The following EDAR variants were observed in gnomAD, a reference collection of about 807,000 sequenced individuals.
EDAR encodes the protein ectodysplasin A receptor, also known as tumor necrosis factor receptor superfamily member EDAR.
A neutral mutation model predicts 51.3 loss-of-function variants in EDAR; 38 were observed. The observed-to-expected ratio is 0.74, with a 90% confidence interval of 0.57 to 0.97. EDAR has a LOEUF of 0.97. Among genes scored for constraint, EDAR ranks in the 50% least tolerant of loss-of-function variants. The pLI, the probability that EDAR is intolerant of heterozygous loss-of-function variation, is 0.00. For missense variants in EDAR, 528 were observed against 595.0 expected (o/e 0.89, Z 1.17); for synonymous variants, 227 against 242.1 (o/e 0.94, Z 0.58).
At chr2:108,932,355 C>T (rs1574387881) in intron 1 of EDAR, among the ~76,000 whole-genome samples, 1 of 151,500 alleles carries the variant, frequency 6.6e-6, no homozygotes, top group African/African-American at 2.4e-5. Flanking sequence ...GGTGAAACCT[C>T]GTCTCTACTA....
At chr2:108,923,705 C>T (rs1440369542) in intron 4 of EDAR, among the ~76,000 whole-genome samples, 1 of 152,222 alleles carries the variant, frequency 6.6e-6, no homozygotes, top group African/African-American at 2.4e-5. Flanking sequence ...CTTTCTGGTT[C>T]CTCTCTCTGG....
Position 108,897,100 on chromosome 2 carries a change from C to T in EDAR, c.1154G>A (p.Arg385Lys), listed in dbSNP as rs1158140942. ...RHLAESFGLK[R>K]DEIGGMTDGM... Reference sequence around the variant, plus strand: ...GTCTGTCATGCCCCCAATCTCATCCCTCTTCAGGCCGAAGCTCTCGGCGAG... The same window carrying T: ...GTCTGTCATGCCCCCAATCTCATCCTTCTTCAGGCCGAAGCTCTCGGCGAG... The change falls in exon 12 of 12, where the codon AGG becomes AAG. Residue 385 changes from arginine to lysine, a missense_variant. Transcript: ENST00000258443. The T allele has an allele frequency of 3.1e-6, 5 of 1,614,162 alleles. No individual in the cohort carries two copies. The highest frequency in any genetic ancestry group is 3.3e-5 in the Admixed American group (2 of 60,026).
intron 4 of EDAR, among the ~76,000 whole-genome samples, chr2:108,928,253 G>T (rs982484812): frequency 1.3e-5 from 2 of 152,104 alleles, no homozygotes; most frequent in African/African-American, 4.8e-5. Flanking sequence ...ATCTCCACTT[G>T]CAGGCCTCTG....
chr2:108,943,643 A>C (rs1697652798), intron 1 of EDAR, among the ~76,000 whole-genome samples: 1 of 151,842 alleles, frequency 6.6e-6, no homozygotes, highest in African/African-American at 2.4e-5. Context: ...CAGAGCGAAG[A>C]CTCCGCGTAT....
At chr2:108,955,986 G>A (rs1254115382) in intron 1 of EDAR, among the ~76,000 whole-genome samples, 7 of 152,032 alleles carry the variant, frequency 4.6e-5, no homozygotes. Flanking sequence ...CCGAGATGGT[G>A]CCACTGTACT....
chr2:108,916,264 G>C (rs1418442854), intron 5 of EDAR, among the ~76,000 whole-genome samples: 1 of 152,174 alleles, frequency 6.6e-6, no homozygotes, highest in Non-Finnish European at 1.5e-5. Context: ...AACAGCCGTG[G>C]GCTGTCTGTG....
intron 6 of EDAR, 102 bp downstream of exon 6, chr2:108,912,576 G>T: frequency 8.8e-7 from 1 of 1,139,396 alleles, no homozygotes; most frequent in Non-Finnish European, 1.3e-6. Context: ...AGGTGGGGAA[G>T]CGCACCATAA....
chr2:108,920,367 G>A (rs952118558), intron 5 of EDAR, among the ~76,000 whole-genome samples: 13 of 152,132 alleles, frequency 8.5e-5, no homozygotes, highest in Admixed American at 6.5e-5. Context: ...TCTCTGTTAC[G>A]GCAGGGCAAC....
chr2:108,986,335 T>C (rs998739727), intron 1 of EDAR, among the ~76,000 whole-genome samples: 2 of 152,262 alleles, frequency 1.3e-5, no homozygotes, highest in Admixed American at 1.3e-4. Flanking sequence ...GGACAGGAGA[T>C]GAGTGTGTCT....
chr2:108,963,643 C>T (rs1373479621), intron 1 of EDAR, among the ~76,000 whole-genome samples: 1 of 152,110 alleles, frequency 6.6e-6, no homozygotes, highest in Non-Finnish European at 1.5e-5. Context: ...TTATAAAACT[C>T]CATGATCTGC....
chr2:108,983,951 T>C (rs1201551324), intron 1 of EDAR, among the ~76,000 whole-genome samples: 1 of 152,204 alleles, frequency 6.6e-6, no homozygotes, highest in Non-Finnish European at 1.5e-5. Context: ...GGCCAGTGGC[T>C]CTGCGACTGT....
chr2:108,946,039 C>T (rs260714), intron 1 of EDAR, among the ~76,000 whole-genome samples: 53,237 of 152,172 alleles, frequency 0.35, 15,187 homozygotes, highest in East Asian at 0.95. Flanking sequence ...ACTGGCAGCA[C>T]TAGTCCTCAG....
intron 1 of EDAR, among the ~76,000 whole-genome samples, chr2:108,962,630 G>A (rs1037204348): frequency 7.6e-4 from 105 of 137,510 alleles, no homozygotes; most frequent in Non-Finnish European, 1.4e-4. Context: ...AGCCGAGATC[G>A]CTCCACTGCC....
intron 1 of EDAR, among the ~76,000 whole-genome samples, chr2:108,959,275 G>C (rs1464281767): frequency 6.6e-6 from 1 of 152,224 alleles, no homozygotes; most frequent in East Asian, 1.9e-4. Context: ...AAGCCCTGTG[G>C]TCTGCGATCT....
rs988568700 is a variant in EDAR, at chr2:108,930,897, G to C, written c.51+67C>G. The stretch of plus-strand genomic sequence containing the variant: ...GCATTCCCATTTTACAGCTGAAGAG[G>C]CCAAGAAACAGTCCAACCATCATGA... On this transcript the variant is annotated intron_variant, in intron 2 of 11. Coordinates refer to ENST00000258443, the MANE Select transcript of EDAR (RefSeq NM_022336.4). 4 of 1,551,808 alleles carry C rather than the reference G, an allele frequency of 2.6e-6. No homozygotes were observed. In the African/African-American group the frequency reaches 4.1e-5, roughly 16 times the overall value.
intron 1 of EDAR, among the ~76,000 whole-genome samples, chr2:108,971,862 G>A (rs1485854312): frequency 6.6e-6 from 1 of 152,226 alleles, no homozygotes; most frequent in Non-Finnish European, 1.5e-5. Context: ...AAGGGCAGAA[G>A]AGACGGTGCA....
chr2:108,983,379 A>G (rs1698446974), intron 1 of EDAR, among the ~76,000 whole-genome samples: 1 of 152,204 alleles, frequency 6.6e-6, no homozygotes, highest in African/African-American at 2.4e-5. Flanking sequence ...GGCCAGAGGT[A>G]ATGTTTATTA....
intron 1 of EDAR, among the ~76,000 whole-genome samples, chr2:108,964,816 T>G (rs180856039): frequency 6.6e-6 from 1 of 152,236 alleles, no homozygotes; most frequent in East Asian, 1.9e-4. Flanking sequence ...TCAGAAGACC[T>G]TCCAGAGAGC....
chr2:108,931,162 G>A, intron 1 of EDAR, 130 bp from the exon 2 acceptor site: 1 of 775,350 alleles, frequency 1.3e-6, no homozygotes, highest in Non-Finnish European at 2.3e-6. Context: ...CATCCTAAAA[G>A]AAAAGCAGAC....
Sources: allele counts gnomAD v4.1 joint callset (sites outside exome capture counted in the v4.1 genomes callset), GRCh38; gene constraint gnomAD v4.1.1; transcripts MANE v1.5; gene names NCBI Gene and HGNC (gene_info 2026-07-23, HGNC 2026-07-21).